Variants in ATP1A2 observed in about 807,000 individuals in gnomAD.
ATP1A2 encodes sodium/potassium-transporting ATPase subunit alpha-2.
ATP1A2 carries 56 observed loss-of-function variants against 113.1 expected under a neutral mutation model. The ratio of observed to expected loss-of-function variants is 0.49; its 90% CI spans 0.40 to 0.62. The LOEUF (loss-of-function observed/expected upper bound fraction) is 0.62, where lower values mean the gene tolerates loss of function less well. Ranked by LOEUF, ATP1A2 falls within the 20% of genes least tolerant of loss-of-function variation. ATP1A2 has a pLI of 0.00. For missense variants in ATP1A2, 712 were observed against 1,357.8 expected (o/e 0.52, Z 7.47); for synonymous variants, 490 against 526.8 (o/e 0.93, Z 0.96).
At chr1:160,127,479 C>T in intron 7 of ATP1A2, 73 bp from the exon 8 acceptor site, 8 of 1,604,102 alleles carry the variant, frequency 5.0e-6, no homozygotes, top group Non-Finnish European at 6.8e-6. Context: ...ATTTTCCTTG[C>T]TCAGGAAATA....
At chr1:160,133,051 G>A (rs904111726) in intron 13 of ATP1A2, among the ~76,000 whole-genome samples, 5 of 151,912 alleles carry the variant, frequency 3.3e-5, no homozygotes, top group South Asian at 2.1e-4. Context: ...TGCTGTAGCT[G>A]GAGAAGGTCG....
At position 160,129,308 on chromosome 1, in the gene ATP1A2, T is replaced by C. The variant is rs758127903; in HGVS notation, c.1369T>C (p.Cys457Arg). The part of the protein sequence containing the change: ...GDASESALLK[C>R]IELSCGSVRK... Reference sequence around the variant, plus strand: ...TGCCTCTGAGTCAGCTCTGCTCAAGTGCATTGAGCTCTCCTGTGGCTCAGT... The same window carrying C: ...TGCCTCTGAGTCAGCTCTGCTCAAGCGCATTGAGCTCTCCTGTGGCTCAGT... The change falls in exon 11 of 23, where the codon TGC becomes CGC. Residue 457 changes from cysteine to arginine, a missense_variant. This residue lies in a region of ATP1A2 where 263 missense variants were observed against 380.6 expected (regional missense o/e 0.69). Coordinates refer to ENST00000361216, the MANE Select transcript of ATP1A2 (RefSeq NM_000702.4). 12 of 1,614,170 alleles carry C rather than the reference T, an allele frequency of 7.4e-6. No homozygotes were observed. The highest frequency in any genetic ancestry group is 9.3e-6 in the Non-Finnish European group (11 of 1,180,014).
intron 1 of ATP1A2, among the ~76,000 whole-genome samples, chr1:160,118,894 A>G (rs572707237): frequency 6.6e-6 from 1 of 152,196 alleles, no homozygotes; most frequent in South Asian, 2.1e-4. Flanking sequence ...ATAAGTAAAA[A>G]AGGCATTACC....
intron 13 of ATP1A2, among the ~76,000 whole-genome samples, chr1:160,131,911 T>C (rs1651787104): frequency 6.6e-6 from 1 of 151,880 alleles, no homozygotes; most frequent in Admixed American, 6.6e-5. Context: ...CAGTAAGTGA[T>C]GGACTGGGAC....
rs17846714 is a variant in ATP1A2, at chr1:160,130,474, C to A, written c.1704C>A (p.Phe568Leu). 1 of 1,614,168 alleles carries A rather than the reference C, an allele frequency of 6.2e-7. No homozygotes were observed. The highest frequency in any genetic ancestry group is 8.5e-7 in the Non-Finnish European group (1 of 1,180,030). ...GAAAGTTTCCTCGGGGCTTCAAATT[C>A]GACACGGATGAGCTGAACTTTCCCA... The part of the protein sequence containing the change: ...PSGKFPRGFK[F>L]DTDELNFPTE... Residue 568 changes from phenylalanine (F) to leucine (L), a missense_variant, in exon 13 of 23, where the codon TTC becomes TTA. By Grantham distance (22) the Phe-to-Leu change is conservative (BLOSUM62 0). Around this residue, in one of 6 missense-constraint regions of ATP1A2, gnomAD observed 263 missense variants for 380.6 expected, o/e 0.69. Coordinates refer to ENST00000361216, the MANE Select transcript of ATP1A2 (RefSeq NM_000702.4).
intron 8 of ATP1A2, 197 bp from the exon 9 acceptor site, chr1:160,128,455 T>A: frequency 2.0e-6 from 3 of 1,496,298 alleles, no homozygotes; most frequent in Non-Finnish European, 2.7e-6. Flanking sequence ...AACCCCCTAA[T>A]GGGCATTTCA....
intron 13 of ATP1A2, among the ~76,000 whole-genome samples, chr1:160,131,705 C>T (rs1240075935): frequency 6.6e-6 from 1 of 151,836 alleles, no homozygotes; most frequent in African/African-American, 2.4e-5. Context: ...GTGGCAGGTG[C>T]CTGTAATCCC....
chr1:160,134,706 T>C, intron 14 of ATP1A2, 86 bp downstream of exon 14: 1 of 1,599,264 alleles, frequency 6.3e-7, no homozygotes, highest in Non-Finnish European at 8.6e-7. Context: ...AGTATTTGGA[T>C]AGCATTTCTG....
rs1174160902 is a variant in ATP1A2 at position 160,134,577 on chromosome 1, A to C, written c.1921A>C (p.Ile641Leu). The change falls in exon 14 of 23, where the codon ATT (isoleucine) becomes CTT (leucine). Residue 641 changes from isoleucine to leucine, a missense_variant. By Grantham distance (5) the Ile-to-Leu change is conservative. Coordinates refer to ENST00000361216, the MANE Select transcript of ATP1A2 (RefSeq NM_000702.4). ...AGAGGGTAACGAGACTGTGGAGGACATTGCAGCCCGGCTCAACATTCCCAT... is the reference window on the plus strand; with the variant it reads ...AGAGGGTAACGAGACTGTGGAGGACCTTGCAGCCCGGCTCAACATTCCCAT... ...ISEGNETVED[I>L]AARLNIPMSQ... 6.2e-7 allele frequency: 1 copy of C among 1,614,206 alleles called. No homozygotes were observed. Among genetic ancestry groups the C allele is most frequent in the Non-Finnish European group, 8.5e-7 (1 of 1,180,036 alleles).
intron 7 of ATP1A2, among the ~76,000 whole-genome samples, chr1:160,126,841 G>A (rs1651603364): frequency 6.6e-6 from 1 of 152,044 alleles, no homozygotes. Context: ...ATTCAGAAAT[G>A]CCTAGTAATA....
At position 160,121,368 on chromosome 1, in the gene ATP1A2, C is replaced by T. The variant is rs1287119625; in HGVS notation, c.177+117C>T. On this transcript the variant is annotated intron_variant, in intron 3 of 22. Transcript: ENST00000361216. ...TTCTTTACAGATGAGGAAACTGAGG[C>T]CCAGAAACAAGGACTGGCCCAAGGA... is the stretch of plus-strand genomic sequence containing the variant. 7.1e-6 allele frequency: 9 copies of T among 1,265,692 alleles called. No individual in the cohort carries two copies. In the East Asian group the frequency reaches 1.6e-4, roughly 23 times the overall value. 78.4% of individuals were successfully genotyped at this position (1,265,692 alleles called of 1,614,324 possible).
Position 160,135,300 on chromosome 1 carries a change from G to A in ATP1A2, c.2115+5G>A. On this transcript the variant is annotated splice_donor_5th_base_variant and intron_variant, in intron 15 of 22. Transcript: ENST00000361216. This position sits in a 1 kb window ranked among gnomAD's most constrained non-coding sequence, Gnocchi z 6.3. ...GTGGAGGGATGTCAGAGGCAGGTGAGCACAGCCACGGGAGGCAGATGACAG... is the reference window on the plus strand; with the variant it reads ...GTGGAGGGATGTCAGAGGCAGGTGAACACAGCCACGGGAGGCAGATGACAG... 6.2e-7 allele frequency: 1 copy of A among 1,614,214 alleles called. No homozygotes were observed. Among genetic ancestry groups the A allele is most frequent in the South Asian group, 1.1e-5 (1 of 91,082 alleles).
In ATP1A2 at chr1:160,129,060, G is replaced by A. The variant is rs374067427; in HGVS notation, c.1297G>A (p.Ala433Thr). Reference protein sequence around the residue: ...AGLCNRAVFKAGQENISVSKR... With the variant: ...AGLCNRAVFKTGQENISVSKR... ...TCTCTGCAACCGCGCCGTCTTCAAG[G>A]CAGGACAGGAGAACATCTCCGTGTC... The change falls in exon 10 of 23, where the codon GCA becomes ACA. Residue 433 changes from alanine (A) to threonine (T), a missense_variant. This residue lies in a region of ATP1A2 where 263 missense variants were observed against 380.6 expected (regional missense o/e 0.69). Coordinates refer to ENST00000361216, the MANE Select transcript of ATP1A2 (RefSeq NM_000702.4). 4 of 1,613,490 alleles carry A rather than the reference G, an allele frequency of 2.5e-6. No individual in the cohort carries two copies. Among genetic ancestry groups the A allele is most frequent in the Non-Finnish European group, 3.4e-6 (4 of 1,179,740 alleles).
intron 8 of ATP1A2, chr1:160,128,415 C>G: frequency 8.3e-7 from 1 of 1,211,988 alleles, no homozygotes; most frequent in Non-Finnish European, 1.2e-6. Flanking sequence ...TCTGCTCTGG[C>G]CCTCTCTGGA....
rs201977531 is a variant in ATP1A2, at chr1:160,134,547, A to G, written c.1891A>G (p.Ile631Val). Residue 631 changes from isoleucine to valine, a missense_variant, in exon 14 of 23, where the codon ATA becomes GTA. Physicochemically the swap from Ile to Val is conservative, Grantham distance 29. This residue lies in a region of ATP1A2 where 263 missense variants were observed against 380.6 expected (regional missense o/e 0.69). Transcript: ENST00000361216. ...GGCCATTGCCAAAGGCGTGGGCATC[A>G]TATCAGAGGGTAACGAGACTGTGGA... ...AKAIAKGVGI[I>V]SEGNETVEDI... 1.2e-5 allele frequency: 20 copies of G among 1,614,064 alleles called. No homozygotes were observed. The highest frequency in any genetic ancestry group is 2.7e-5 in the African/African-American group (2 of 74,910).
At chr1:160,133,786 A>G (rs912934766) in intron 13 of ATP1A2, among the ~76,000 whole-genome samples, 3 of 152,132 alleles carry the variant, frequency 2.0e-5, no homozygotes, top group Non-Finnish European at 4.4e-5. Flanking sequence ...GGGTCCTTCC[A>G]GCTCTGACTG....
intron 21 of ATP1A2, 27 bp downstream of exon 21, chr1:160,139,768 G>A (rs2101998661): frequency 1.2e-6 from 2 of 1,613,752 alleles, no homozygotes; most frequent in Non-Finnish European, 1.7e-6. Context: ...GGCGGCCTGA[G>A]TAGTCATACG....
At chr1:160,125,019 T>G (rs2101986630) in intron 6 of ATP1A2, 117 bp from the exon 7 acceptor site, 1 of 828,532 alleles carries the variant, frequency 1.2e-6, no homozygotes, top group East Asian at 2.5e-5. Context: ...TGAGGGCAAG[T>G]GTGACTTTGT....
In ATP1A2 at chr1:160,134,216, ACACACACACAATCCCCACC is replaced by A. The variant is rs1263471897; in HGVS notation, c.1828-257_1828-239del. On this transcript the variant is annotated intron_variant, in intron 13 of 22. Coordinates refer to ENST00000361216, the MANE Select transcript of ATP1A2 (RefSeq NM_000702.4). ...ACACACACACAATCCCCACCCCCTC[ACACACACACAATCCCCACC>A]CACACACACACACACACATCCTACA... Among the ~76,000 whole-genome samples, 15 of 49,440 alleles carry A rather than the reference ACACACACACAATCCCCACC, an allele frequency of 3.0e-4. No homozygotes were observed. The East Asian group carries it at 3.7e-3, about 12-fold the overall frequency. The allele number at this position is 49,440 out of a possible 152,430, so 32.4% of individuals were successfully genotyped here. A position where few individuals can be genotyped will look rare whatever the true frequency, so the allele number is the denominator to read the frequency against.
Sources: allele counts gnomAD v4.1 joint callset (sites outside exome capture counted in the v4.1 genomes callset), GRCh38; gene constraint gnomAD v4.1.1; regional missense constraint gnomAD v4.1.1; non-coding constraint Gnocchi (gnomAD v3.1); transcripts MANE v1.5; gene names NCBI Gene and HGNC (gene_info 2026-07-23, HGNC 2026-07-21).